The following LEF1 variants were observed in gnomAD, a reference collection of about 807,000 sequenced individuals.
LEF1 encodes the protein lymphoid enhancer binding factor 1.
Under a neutral mutation model 51.2 loss-of-function variants are expected in LEF1, and 14 were observed. The observed-to-expected ratio is 0.27, with a 90% CI of 0.18 to 0.43. The LOEUF is 0.43. LEF1 is among the 20% of genes least tolerant of loss of function. The probability of loss-of-function intolerance (pLI) is 1.00; values close to 1 mark genes in which losing one functional copy is unlikely to be tolerated. For missense variants in LEF1, 386 were observed against 512.0 expected (o/e 0.75, Z 2.37); for synonymous variants, 185 against 183.2 (o/e 1.01, Z -0.08).
chr4:108,153,308 G>A (rs999473181), intron 3 of LEF1, among the ~76,000 whole-genome samples: 2 of 152,202 alleles, frequency 1.3e-5, no homozygotes, highest in African/African-American at 4.8e-5. Context: ...GTGGCTTGGT[G>A]TTGTGTTCAA....
At chr4:108,138,820 C>G (rs1743463148) in intron 3 of LEF1, among the ~76,000 whole-genome samples, 2 of 152,232 alleles carry the variant, frequency 1.3e-5, no homozygotes, top group African/African-American at 4.8e-5. Flanking sequence ...ACGGAGCTTG[C>G]TGACGCATGA....
chr4:108,094,312 C>T (rs1176358636), intron 3 of LEF1, among the ~76,000 whole-genome samples: 1 of 152,172 alleles, frequency 6.6e-6, no homozygotes, highest in Non-Finnish European at 1.5e-5. Context: ...GGAAAACATG[C>T]CAAGGAAGCT....
chr4:108,150,533 T>C (rs1744305769), intron 3 of LEF1, among the ~76,000 whole-genome samples: 1 of 152,220 alleles, frequency 6.6e-6, no homozygotes, highest in African/African-American at 2.4e-5. Flanking sequence ...TAGAACCTTT[T>C]ATTTAAGCCA....
intron 3 of LEF1, among the ~76,000 whole-genome samples, chr4:108,115,992 A>G (rs1741817078): frequency 1.3e-5 from 2 of 152,120 alleles, no homozygotes; most frequent in Admixed American, 1.3e-4. Flanking sequence ...TTGTAGAGAC[A>G]ATTGAGGTCC....
At chr4:108,124,464 A>AG (rs1281004159) in intron 3 of LEF1, among the ~76,000 whole-genome samples, 1 of 151,396 alleles carries the variant, frequency 6.6e-6, no homozygotes, top group Non-Finnish European at 1.5e-5. Context: ...CCGCCTCCTG[A>AG]GTTCAAGTGA....
At chr4:108,096,907 T>A (rs920637858) in intron 3 of LEF1, among the ~76,000 whole-genome samples, 6 of 152,138 alleles carry the variant, frequency 3.9e-5, no homozygotes, top group African/African-American at 1.4e-4. Flanking sequence ...CTCACCCCAG[T>A]TAAAATGGTT....
chr4:108,065,346 G>T (rs559844819), intron 9 of LEF1, among the ~76,000 whole-genome samples: 1 of 152,298 alleles, frequency 6.6e-6, no homozygotes, highest in African/African-American at 2.4e-5. Context: ...TTAGCCAGGC[G>T]TGGTGGCGTG....
At chr4:108,124,341 G>A (rs1480112443) in intron 3 of LEF1, among the ~76,000 whole-genome samples, 7 of 151,936 alleles carry the variant, frequency 4.6e-5, no homozygotes, top group African/African-American at 1.7e-4. Context: ...GCAAAGTGTG[G>A]GGAGTATATA....
At chr4:108,105,121 C>T (rs1007402886) in intron 3 of LEF1, among the ~76,000 whole-genome samples, 15 of 151,698 alleles carry the variant, frequency 9.9e-5, no homozygotes, top group Non-Finnish European at 1.3e-4. Context: ...TATGGGTTTA[C>T]GTTTTTCCTA....
At chr4:108,105,181 CTTT>C (rs5860896) in intron 3 of LEF1, among the ~76,000 whole-genome samples, 5 of 131,356 alleles carry the variant, frequency 3.8e-5, no homozygotes, top group Non-Finnish European at 7.9e-5. Context: ...GAAGAATCCA[CTTT>C]TTTTTTTTTT....
chr4:108,161,216 T>C (rs1163822778), intron 3 of LEF1, among the ~76,000 whole-genome samples: 1 of 152,036 alleles, frequency 6.6e-6, no homozygotes, highest in Non-Finnish European at 1.5e-5. Flanking sequence ...AGCTGTTAGG[T>C]ATTAAAAACC....
At position 108,128,521 on chromosome 4, in the gene LEF1, C is replaced by G. The variant is rs374236022; in HGVS notation, c.414+35047G>C. 1.3e-4 allele frequency among the ~76,000 whole-genome samples: 19 copies of G among 143,514 alleles called. No homozygotes were observed. In the East Asian group the frequency reaches 1.4e-3, roughly 11 times the overall value. The allele number at this position is 143,514 out of a possible 152,430, so 94.2% of individuals were successfully genotyped here. On this transcript the variant is annotated intron_variant, in intron 3 of 11. Transcript: ENST00000265165. ...ACTGAGGAAGGGCTTTTTTTTTTTT[C>G]TACGATAAACTGATGACTGAAGTTA...
intron 3 of LEF1, among the ~76,000 whole-genome samples, chr4:108,158,566 G>A (rs1287320863): frequency 6.6e-6 from 1 of 151,938 alleles, no homozygotes; most frequent in Non-Finnish European, 1.5e-5. Context: ...TAAATTCCAA[G>A]TCTTTTACCA....
In LEF1 at chr4:108,070,685, C is replaced by T. The variant is rs760702658; in HGVS notation, c.1094G>A (p.Gly365Asp). 1 of 1,613,430 alleles carries T rather than the reference C, an allele frequency of 6.2e-7. No individual in the cohort carries two copies. The highest frequency in any genetic ancestry group is 8.5e-7 in the Non-Finnish European group (1 of 1,179,506). ...ERQLHMQLYP[G>D]WSARDNYGKK... ...TACATAATTGTCTCTTGCAGACCAG[C>T]CTGGATAAAGCTGCATATGTAGCTG... Residue 365 changes from glycine to aspartate, a missense_variant, in exon 9 of 12, where the codon GGC becomes GAC. Physicochemically the swap from Gly to Asp is moderately conservative, Grantham distance 94. Transcript: ENST00000265165.
intron 3 of LEF1, among the ~76,000 whole-genome samples, chr4:108,112,753 T>C (rs1324670854): frequency 1.3e-5 from 2 of 152,216 alleles, no homozygotes; most frequent in Non-Finnish European, 2.9e-5. Flanking sequence ...TAAACAAATG[T>C]CATTACCTGC....
chr4:108,048,680 C>T lies in LEF1; in HGVS notation c.*78G>A, dbSNP rs201095171. ...GGAGACAGTCTGGGTTTTCAACAAGCTTCCATCTCCAGAAGAGGTCCTGGG... is the reference window on the plus strand; with the variant it reads ...GGAGACAGTCTGGGTTTTCAACAAGTTTCCATCTCCAGAAGAGGTCCTGGG... On this transcript the variant is annotated 3_prime_UTR_variant, in exon 12 of 12. Transcript: ENST00000265165. The T allele has an allele frequency of 5.9e-4, 946 of 1,602,152 alleles. No homozygotes were observed. Among genetic ancestry groups the T allele is most frequent in the Non-Finnish European group, 7.5e-4 (876 of 1,173,972 alleles).
At chr4:108,103,650 T>G (rs1740964061) in intron 3 of LEF1, among the ~76,000 whole-genome samples, 1 of 152,226 alleles carries the variant, frequency 6.6e-6, no homozygotes, top group African/African-American at 2.4e-5. Context: ...CCCTATTTAA[T>G]CATTTCAATG....
At chr4:108,106,927 T>G (rs961550593) in intron 3 of LEF1, among the ~76,000 whole-genome samples, 1 of 152,012 alleles carries the variant, frequency 6.6e-6, no homozygotes, top group African/African-American at 2.4e-5. Flanking sequence ...CGGACACAGG[T>G]TGAAAAATGG....
In LEF1 at chr4:108,081,684, G is replaced by A. The variant is rs1739318868; in HGVS notation, c.639-15C>T. On this transcript the variant is annotated splice_polypyrimidine_tract_variant and intron_variant, in intron 5 of 11. Transcript: ENST00000265165. ...GCTGACCTTGCCTGAGGTCACAGAAGAAAGGAACCCATCAATGACAAAACA... is the reference window on the plus strand; with the variant it reads ...GCTGACCTTGCCTGAGGTCACAGAAAAAAGGAACCCATCAATGACAAAACA... 6.2e-7 allele frequency: 1 copy of A among 1,607,938 alleles called. No homozygotes were observed. Among genetic ancestry groups the A allele is most frequent in the Non-Finnish European group, 8.5e-7 (1 of 1,174,588 alleles).
Sources: allele counts gnomAD v4.1 joint callset (sites outside exome capture counted in the v4.1 genomes callset), GRCh38; gene constraint gnomAD v4.1.1; transcripts MANE v1.5; gene names NCBI Gene and HGNC (gene_info 2026-07-23, HGNC 2026-07-21).